PCDH11X: variants seen among roughly 807,000 people sequenced by gnomAD.
PCDH11X encodes protocadherin 11 X-linked.
In PCDH11X, 18 loss-of-function variants were observed where a neutral mutation model predicts 53.3. The ratio of observed to expected loss-of-function variants is 0.34; its 90% CI spans 0.23 to 0.50. The LOEUF is 0.50. PCDH11X is among the 20% of genes least tolerant of loss of function. PCDH11X has a pLI of 0.98. For missense variants in PCDH11X, 570 were observed against 1,032.4 expected (o/e 0.55, Z 6.14); for synonymous variants, 279 against 393.3 (o/e 0.71, Z 3.44).
At chrX:92,548,723 C>T (rs1400845258) in intron 10 of PCDH11X, among the ~76,000 whole-genome samples, 2 of 109,923 alleles carry the variant, frequency 1.8e-5, no homozygotes, top group Admixed American at 2.0e-4. Flanking sequence ...CACCAAATGA[C>T]ATAAATTCTA....
At chrX:92,100,942 C>T (rs1291079412) in intron 6 of PCDH11X, among the ~76,000 whole-genome samples, 2 of 110,667 alleles carry the variant, frequency 1.8e-5, no homozygotes, top group East Asian at 2.8e-4. Flanking sequence ...GGCCTGGATA[C>T]GGTTTTGTAT....
At chrX:92,087,747 T>C (rs1253762276) in intron 6 of PCDH11X, among the ~76,000 whole-genome samples, 1 of 110,217 alleles carries the variant, frequency 9.1e-6, no homozygotes, top group African/African-American at 3.3e-5. Context: ...CATTTAATGT[T>C]GAAATTATGA....
chrX:92,497,710 A>C (rs1345613363), intron 10 of PCDH11X, among the ~76,000 whole-genome samples: 2 of 111,170 alleles, frequency 1.8e-5, no homozygotes, highest in Admixed American at 9.7e-5. Context: ...ATATATATTT[A>C]GTAATTATGA....
chrX:91,827,802 C>T (rs929049718), intron 4 of PCDH11X, among the ~76,000 whole-genome samples: 2 of 110,245 alleles, frequency 1.8e-5, no homozygotes, highest in Non-Finnish European at 3.8e-5. Context: ...CTGTTCTATT[C>T]GTCTATGTGT....
At chrX:92,518,999 C>T (rs1190293690) in intron 10 of PCDH11X, among the ~76,000 whole-genome samples, 11 of 109,603 alleles carry the variant, frequency 1.0e-4, no homozygotes, top group African/African-American at 3.3e-4. Flanking sequence ...CCTCGTGATC[C>T]GCCTTCATCA....
In PCDH11X at chrX:91,940,673, G is replaced by A. The variant is rs773892282; in HGVS notation, c.3033+61400G>A. Among the ~76,000 whole-genome samples, 29 of 103,661 alleles carry A rather than the reference G, an allele frequency of 2.8e-4. No homozygotes were observed. The East Asian group carries it at 7.2e-3, about 26-fold the overall frequency. 90.0% of individuals were successfully genotyped at this position (103,661 alleles called of 115,157 possible). A position where few individuals can be genotyped will look rare whatever the true frequency, so the allele number is the denominator to read the frequency against. ...GACTCCCAAGTAACTAGGACTAAGGGTTACCACACATGGCTAATAGAATTT... is the reference window on the plus strand; with the variant it reads ...GACTCCCAAGTAACTAGGACTAAGGATTACCACACATGGCTAATAGAATTT... On this transcript the variant is annotated intron_variant, in intron 6 of 10. Transcript: ENST00000682573.
chrX:92,058,372 A>T (rs1275683764), intron 6 of PCDH11X, among the ~76,000 whole-genome samples: 2 of 110,488 alleles, frequency 1.8e-5, no homozygotes, highest in Non-Finnish European at 3.8e-5. Flanking sequence ...ATATCCATGT[A>T]ACAAACCTGC....
intron 6 of PCDH11X, among the ~76,000 whole-genome samples, chrX:92,196,622 A>T (rs1325084232): frequency 9.0e-6 from 1 of 111,648 alleles, no homozygotes; most frequent in Non-Finnish European, 1.9e-5. Context: ...ATGAAAAAAA[A>T]AATTAAAAAA....
At chrX:92,151,384 G>C (rs1165806922) in intron 6 of PCDH11X, among the ~76,000 whole-genome samples, 3 of 109,916 alleles carry the variant, frequency 2.7e-5, no homozygotes, top group Non-Finnish European at 5.7e-5. Context: ...AGTAGAGACA[G>C]GGTTTCACCG....
intron 7 of PCDH11X, among the ~76,000 whole-genome samples, chrX:92,249,051 T>C (rs750667731): frequency 2.6e-4 from 29 of 110,638 alleles, no homozygotes; most frequent in Non-Finnish European, 4.9e-4. Context: ...GAGTTTGATA[T>C]AAAGGCAAGC....
intron 8 of PCDH11X, among the ~76,000 whole-genome samples, chrX:92,315,085 A>T (rs1201954433): frequency 8.1e-5 from 9 of 111,639 alleles, no homozygotes; most frequent in African/African-American, 9.8e-5. Context: ...TAAATGCCAC[A>T]AGAAAAGTGC....
chrX:92,105,791 TC>T (rs1160785078), intron 6 of PCDH11X, among the ~76,000 whole-genome samples: 2 of 110,473 alleles, frequency 1.8e-5, no homozygotes, highest in Admixed American at 1.9e-4. Context: ...TGGTGGAATG[TC>T]ATCAGTTAAG....
At chrX:92,151,662 A>G (rs1425294393) in intron 6 of PCDH11X, among the ~76,000 whole-genome samples, 1 of 111,391 alleles carries the variant, frequency 9.0e-6, no homozygotes, top group Non-Finnish European at 1.9e-5. Flanking sequence ...TTTTTCAGAG[A>G]TAAACAAAAA....
intron 8 of PCDH11X, among the ~76,000 whole-genome samples, chrX:92,273,120 C>A (rs1175083647): frequency 1.8e-5 from 2 of 111,899 alleles, no homozygotes; most frequent in Non-Finnish European, 3.8e-5. Context: ...ACCAAACAGG[C>A]TTTGTGTGAG....
intron 6 of PCDH11X, among the ~76,000 whole-genome samples, chrX:91,932,689 T>TGG (rs1170986513): frequency 9.3e-4 from 98 of 105,448 alleles, no homozygotes; most frequent in African/African-American, 3.4e-3. Flanking sequence ...TGTGTGTGTG[T>TGG]GTGTGTGTGT....
At chrX:92,490,354 C>T (rs6615405) in intron 10 of PCDH11X, among the ~76,000 whole-genome samples, 7,786 of 111,216 alleles carry the variant, frequency 0.07, 237 homozygotes, top group South Asian at 0.13. Flanking sequence ...TTTCCCTTTA[C>T]GTCACATATT....
intron 8 of PCDH11X, among the ~76,000 whole-genome samples, chrX:92,270,758 G>A (rs922457076): frequency 4.7e-4 from 53 of 112,099 alleles, no homozygotes; most frequent in South Asian, 2.2e-3. Flanking sequence ...GTTTACCTAA[G>A]ATAAGGTGAA....
chrX:92,489,907 A>G (rs2058554762), intron 10 of PCDH11X, among the ~76,000 whole-genome samples: 1 of 101,465 alleles, frequency 9.9e-6, no homozygotes, highest in South Asian at 4.5e-4. Flanking sequence ...TAATTCTGGT[A>G]TGTTATTTTT....
intron 8 of PCDH11X, among the ~76,000 whole-genome samples, chrX:92,321,843 C>T (rs2069221009): frequency 9.0e-6 from 1 of 110,622 alleles, no homozygotes; most frequent in Non-Finnish European, 1.9e-5. Context: ...AAGAGAAGGT[C>T]CATTCATTCA....
Sources: allele counts gnomAD v4.1 joint callset (sites outside exome capture counted in the v4.1 genomes callset), GRCh38; gene constraint gnomAD v4.1.1; transcripts MANE v1.5; gene names NCBI Gene and HGNC (gene_info 2026-07-23, HGNC 2026-07-21).